Variants in MIDN observed in about 807,000 individuals in gnomAD.
MIDN encodes the protein midbrain nucleolar protein.
Under a neutral mutation model 46.1 loss-of-function variants are expected in MIDN, and 26 were observed. The observed-to-expected ratio is 0.56, with a 90% CI of 0.41 to 0.78. The LOEUF (loss-of-function observed/expected upper bound fraction) is 0.78. Ranked by LOEUF, MIDN falls within the 30% of genes least tolerant of loss-of-function variation. The pLI is 0.00. For synonymous variants in MIDN, 432 were observed against 343.3 expected, an observed-to-expected ratio of 1.26 and a Z score of -2.86; for missense variants, 850 against 771.8, an observed-to-expected ratio of 1.10 and a Z score of -1.20.
chr19:1,252,322 G>T (rs1226474293), intron 4 of MIDN, among the ~76,000 whole-genome samples: 1 of 152,124 alleles, frequency 6.6e-6, no homozygotes, highest in African/African-American at 2.4e-5. Flanking sequence ...CGGCTTGGGT[G>T]ACACTCCTTC....
chr19:1,257,354 C>T lies in MIDN; in HGVS notation c.*82C>T, dbSNP rs2081212672. 2 of 1,252,428 alleles carry T rather than the reference C, an allele frequency of 1.6e-6. No homozygotes were observed. Among genetic ancestry groups the T allele is most frequent in the South Asian group, 2.5e-5 (2 of 78,622 alleles). 77.6% of individuals were successfully genotyped at this position (1,252,428 alleles called of 1,614,324 possible). On this transcript the variant is annotated 3_prime_UTR_variant, in exon 9 of 9. Transcript: ENST00000682408. ...CCGAGAGCCCCGGAGAGAACGTGGC[C>T]CAGCCCTGGAGGGCAGGCGGCCACT...
chr19:1,253,187 A>C (rs887459559), intron 4 of MIDN, among the ~76,000 whole-genome samples: 2 of 148,292 alleles, frequency 1.3e-5, no homozygotes, highest in African/African-American at 5.0e-5. Flanking sequence ...TCGGGAAGCC[A>C]CCCCGGGCCC....
At chr19:1,252,185 C>T (rs1424516809) in intron 4 of MIDN, among the ~76,000 whole-genome samples, 1 of 152,230 alleles carries the variant, frequency 6.6e-6, no homozygotes, top group Admixed American at 6.5e-5. Context: ...GGGGCCTCAT[C>T]CCCGCTCACA....
chr19:1,256,356 G>A (rs1215207769), intron 8 of MIDN, among the ~76,000 whole-genome samples: 2 of 152,064 alleles, frequency 1.3e-5, no homozygotes, highest in Non-Finnish European at 2.9e-5. Context: ...GGTGGTGGGC[G>A]CCTGTAGTCC....
Position 1,258,646 on chromosome 19 carries a change from TTA to T in MIDN, c.*1376_*1377del, listed in dbSNP as rs530441600. The T allele has an allele frequency of 1.4e-3, 210 of 151,580 alleles. 2 individuals carry two copies. Among genetic ancestry groups the T allele is most frequent in the Non-Finnish European group, 1.8e-3 (120 of 67,740 alleles). The allele number at this position is 151,580 out of a possible 1,614,324, so 9.4% of individuals were successfully genotyped here. The stretch of plus-strand genomic sequence containing the variant: ...ACCCCAGGTCCTCAACTCCCCCCCT[TTA>T]TGTGTTGAAAGTTAATGGTTTCAGA... On this transcript the variant is annotated 3_prime_UTR_variant, in exon 9 of 9. Coordinates refer to ENST00000682408, the MANE Select transcript of MIDN (RefSeq NM_001388306.1).
At chr19:1,249,526 G>A (rs1032794978) in intron 1 of MIDN, among the ~76,000 whole-genome samples, 2 of 149,288 alleles carry the variant, frequency 1.3e-5, no homozygotes, top group South Asian at 2.1e-4. Context: ...CCCGTCTCCA[G>A]ACCTGGGTCC....
At chr19:1,254,562 C>G (rs1046021936) in intron 6 of MIDN, 84 bp downstream of exon 6, 1 of 1,402,370 alleles carries the variant, frequency 7.1e-7, no homozygotes, top group Non-Finnish European at 9.7e-7. Flanking sequence ...AGGACAAGGA[C>G]TCTTAGTCCC....
intron 2 of MIDN, 59 bp downstream of exon 2, chr19:1,250,588 CAA>C (rs2081113436): frequency 1.0e-6 from 1 of 970,212 alleles, no homozygotes; most frequent in Non-Finnish European, 1.3e-6. Flanking sequence ...CGGGCGGGAA[CAA>C]AGAGCGCGCC....
intron 2 of MIDN, among the ~76,000 whole-genome samples, chr19:1,250,738 C>T (rs1219106221): frequency 6.6e-6 from 1 of 151,606 alleles, no homozygotes; most frequent in South Asian, 2.1e-4. Flanking sequence ...CGAGGGCGTC[C>T]CGGGCCGGGC....
In MIDN at chr19:1,248,658, C is replaced by A. The variant is rs1048506193; in HGVS notation, c.-410C>A. ...ACTTGGAGCGCAGAACCGGCCGCGC[C>A]CGGTGAGTGTGGAGGGGGGGGACCT... On this transcript the variant is annotated splice_region_variant and 5_prime_UTR_variant, in exon 1 of 9. Transcript: ENST00000682408. The A allele has an allele frequency of 6.6e-6, 1 of 152,572 alleles. No individual in the cohort carries two copies. Among genetic ancestry groups the A allele is most frequent in the African/African-American group, 2.4e-5 (1 of 41,454 alleles). 9.5% of individuals were successfully genotyped at this position (152,572 alleles called of 1,614,324 possible).
At chr19:1,256,170 C>T (rs2081196749) in intron 8 of MIDN, among the ~76,000 whole-genome samples, 2 of 152,388 alleles carry the variant, frequency 1.3e-5, no homozygotes, top group African/African-American at 4.8e-5. Flanking sequence ...GTCGCGGGGG[C>T]TCCTCCCAGC....
chr19:1,252,474 G>A (rs1367779003), intron 4 of MIDN, among the ~76,000 whole-genome samples: 4 of 152,310 alleles, frequency 2.6e-5, no homozygotes, highest in East Asian at 3.9e-4. Flanking sequence ...AGGATGTTAG[G>A]AAAATATTTA....
chr19:1,250,766 G>C (rs1409692327), intron 2 of MIDN, among the ~76,000 whole-genome samples: 1 of 151,698 alleles, frequency 6.6e-6, no homozygotes, highest in Non-Finnish European at 1.5e-5. Flanking sequence ...GCCCCCCTTG[G>C]GGGCGGGCAG....
rs2081231964 is a variant in MIDN at position 1,258,736 on chromosome 19, G to A, written c.*1464G>A. 1 of 151,312 alleles carries A rather than the reference G, an allele frequency of 6.6e-6. No individual in the cohort carries two copies. The highest frequency in any genetic ancestry group is 6.6e-5 in the Admixed American group (1 of 15,132). 9.4% of individuals were successfully genotyped at this position (151,312 alleles called of 1,614,324 possible). On this transcript the variant is annotated 3_prime_UTR_variant, in exon 9 of 9. Coordinates refer to ENST00000682408, the MANE Select transcript of MIDN (RefSeq NM_001388306.1). ...TTTTTTGTGGGAGGGTGGGCAGGGA[G>A]GGGTCCCAGAGGGTAGAGCTCAAGG...
At chr19:1,254,808 C>T (rs1216193884) in intron 6 of MIDN, 94 bp from the exon 7 acceptor site, 3 of 1,403,714 alleles carry the variant, frequency 2.1e-6, no homozygotes, top group Non-Finnish European at 2.9e-6. Context: ...CAGGTCATCT[C>T]CTGACCTGGG....
chr19:1,254,809 C>T, intron 6 of MIDN, 93 bp from the exon 7 acceptor site: 2 of 1,409,586 alleles, frequency 1.4e-6, no homozygotes, highest in Non-Finnish European at 1.9e-6. Context: ...AGGTCATCTC[C>T]TGACCTGGGC....
At chr19:1,251,046 G>C (rs1476637128) in intron 2 of MIDN, among the ~76,000 whole-genome samples, 2 of 152,054 alleles carry the variant, frequency 1.3e-5, no homozygotes, top group African/African-American at 4.8e-5. Context: ...CCCAGTGGAG[G>C]GGCCCATCGG....
In MIDN at chr19:1,257,193, G is replaced by T; in HGVS notation, c.1457G>T (p.Gly486Val). Residue 486 changes from glycine to valine, a missense_variant, in exon 9 of 9, where the codon GGC becomes GTC. Physicochemically the swap from Gly to Val is moderately radical, Grantham distance 109. Coordinates refer to ENST00000682408, the MANE Select transcript of MIDN (RefSeq NM_001388306.1). ...GGCGGCAGCCCCAGCGAGGCCTCCG[G>T]CTTGGGCCTCGACTTCGAGGACTCC... Reference protein sequence around the residue: ...GGGGSPSEASGLGLDFEDSVW... With the variant: ...GGGGSPSEASVLGLDFEDSVW... 1.2e-6 allele frequency: 2 copies of T among 1,612,076 alleles called. No individual in the cohort carries two copies. The highest frequency in any genetic ancestry group is 1.7e-6 in the Non-Finnish European group (2 of 1,179,624).
In MIDN at chr19:1,250,312, G is replaced by A; in HGVS notation, c.16G>A (p.Gly6Ser). 1 of 991,768 alleles carries A rather than the reference G, an allele frequency of 1.0e-6. No homozygotes were observed. The highest frequency in any genetic ancestry group is 1.2e-6 in the Non-Finnish European group (1 of 835,436). 61.4% of individuals were successfully genotyped at this position (991,768 alleles called of 1,614,324 possible). A position where few individuals can be genotyped will look rare whatever the true frequency, so the allele number is the denominator to read the frequency against. Residue 6 changes from glycine to serine, a missense_variant, in exon 2 of 9, where the codon GGC becomes AGC. Transcript: ENST00000682408. MEPQP[G>S]GARSCRRGAP... ...CGCGCCGGGGATGGAGCCGCAGCCC[G>A]GCGGCGCCCGGAGCTGCCGGCGCGG...
Sources: gnomAD v4.1 joint callset for allele counts (sites outside exome capture counted in the v4.1 genomes callset) on GRCh38, gnomAD v4.1.1 for gene constraint, MANE v1.5 for transcripts, NCBI Gene and HGNC (gene_info 2026-07-23, HGNC 2026-07-21) for gene names.